NECTIN2: variants seen among roughly 807,000 people sequenced by gnomAD.
The protein encoded by NECTIN2 is nectin cell adhesion molecule 2.
NECTIN2 carries 23 observed loss-of-function variants against 56.9 expected under a neutral mutation model. The observed-to-expected ratio is 0.40, with a 90% CI of 0.29 to 0.57. The LOEUF (loss-of-function observed/expected upper bound fraction) is 0.57. NECTIN2 is among the 20% of genes least tolerant of loss of function. The probability of loss-of-function intolerance (pLI) is 0.38; values close to 1 mark genes in which losing one functional copy is unlikely to be tolerated. For missense variants in NECTIN2, 587 were observed against 718.3 expected (o/e 0.82, Z 2.09); for synonymous variants, 302 against 313.8 (o/e 0.96, Z 0.40).
At chr19:44,869,426 A>T (rs1969144088) in intron 2 of NECTIN2, among the ~76,000 whole-genome samples, 1 of 151,822 alleles carries the variant, frequency 6.6e-6, no homozygotes, top group Non-Finnish European at 1.5e-5. Flanking sequence ...CCCTGTCTCT[A>T]CTAAAAATAC....
intron 2 of NECTIN2, among the ~76,000 whole-genome samples, chr19:44,866,123 G>A (rs530639352): frequency 6.6e-6 from 1 of 152,018 alleles, no homozygotes; most frequent in African/African-American, 2.4e-5. Flanking sequence ...AGTGAGCCGA[G>A]ATTGTGCCAC....
Position 44,882,345 on chromosome 19 carries a change from G to C in NECTIN2, c.1177G>C (p.Gly393Arg). Reference protein sequence around the residue: ...RQQRKEQTLQGAEEDEDLEGP... With the variant: ...RQQRKEQTLQRAEEDEDLEGP... ...GCAGCGGAAGGAGCAGACGCTGCAG[G>C]GGGCAGAGGAGGACGAAGAGTAAGT... is the stretch of plus-strand genomic sequence containing the variant. Residue 393 changes from glycine to arginine, a missense_variant, in exon 6 of 9, where the codon GGG becomes CGG. By Grantham distance (125) the Gly-to-Arg change is moderately radical. Coordinates refer to ENST00000252483, the MANE Select transcript of NECTIN2 (RefSeq NM_001042724.2). 6.8e-7 allele frequency: 1 copy of C among 1,478,546 alleles called. No individual in the cohort carries two copies. Among genetic ancestry groups the C allele is most frequent in the Non-Finnish European group, 9.0e-7 (1 of 1,107,784 alleles). The allele number at this position is 1,478,546 out of a possible 1,614,324, so 91.6% of individuals were successfully genotyped here.
At position 44,874,693 on chromosome 19, in the gene NECTIN2, T is replaced by C. The variant is rs1969217456; in HGVS notation, c.1042+215T>C. ...GTCGGGGTAGGTGAAGGCAGCAGAG[T>C]TGGGGGGTTGAGGACTTTGCTCGGG... On this transcript the variant is annotated intron_variant, in intron 5 of 8. Transcript: ENST00000252483. The surrounding 1 kb of genome is among the most constrained non-coding windows in gnomAD (Gnocchi z 6.3). 4 of 585,896 alleles carry C rather than the reference T, an allele frequency of 6.8e-6. No homozygotes were observed. The highest frequency in any genetic ancestry group is 1.2e-5 in the Non-Finnish European group (4 of 333,260). The allele number at this position is 585,896 out of a possible 1,614,324, so 36.3% of individuals were successfully genotyped here. A position where few individuals can be genotyped will look rare whatever the true frequency, so the allele number is the denominator to read the frequency against.
Position 44,888,511 on chromosome 19 carries a change from C to A in NECTIN2, c.*132C>A. On this transcript the variant is annotated 3_prime_UTR_variant, in exon 9 of 9. Coordinates refer to ENST00000252483, the MANE Select transcript of NECTIN2 (RefSeq NM_001042724.2). ...TATGCATTCCATTTGTGATGTCTAC[C>A]TTGGTGGCTCCACTATGACCCCTAA... 1 of 1,011,830 alleles carries A rather than the reference C, an allele frequency of 9.9e-7. No individual in the cohort carries two copies. Among genetic ancestry groups the A allele is most frequent in the Non-Finnish European group, 1.4e-6 (1 of 695,338 alleles). 62.7% of individuals were successfully genotyped at this position (1,011,830 alleles called of 1,614,324 possible). A position where few individuals can be genotyped will look rare whatever the true frequency, so the allele number is the denominator to read the frequency against.
chr19:44,878,339 G>A, intron 5 of NECTIN2: 1 of 1,537,442 alleles, frequency 6.5e-7, no homozygotes, highest in Non-Finnish European at 8.8e-7. Flanking sequence ...CCTGCTGAGG[G>A]TGAGGAGGAG....
Position 44,871,992 on chromosome 19 carries a change from G to A in NECTIN2, c.618G>A (p.Glu206=). Residue 206 remains glutamate (E), a synonymous_variant, in exon 3 of 9, where the codon GAG becomes GAA. Coordinates refer to ENST00000252483, the MANE Select transcript of NECTIN2 (RefSeq NM_001042724.2). ...WLSSLDWEAK[E]TQVSGTLAGT... is the part of the protein sequence containing the mutation. ...CATCCCTGGACTGGGAAGCCAAAGA[G>A]ACTCAGGTGTCAGGGACCCTGGCCG... 6.2e-7 allele frequency: 1 copy of A among 1,614,158 alleles called. No individual in the cohort carries two copies. The highest frequency in any genetic ancestry group is 1.1e-5 in the South Asian group (1 of 91,072).
At position 44,865,816 on chromosome 19, in the gene NECTIN2, G is replaced by A. The variant is rs544558455; in HGVS notation, c.478+156G>A. On this transcript the variant is annotated intron_variant, in intron 2 of 8. Coordinates refer to ENST00000252483, the MANE Select transcript of NECTIN2 (RefSeq NM_001042724.2). The surrounding 1 kb of genome is among the most constrained non-coding windows in gnomAD (Gnocchi z 5.2). ...AATGTTCATTAAGCACCTACCGCGT[G>A]CCAGATGCTTTTCTGTGTGCTGAGG... Among the ~76,000 whole-genome samples the A allele has an allele frequency of 6.6e-6, 1 of 152,304 alleles. No homozygotes were observed. Among genetic ancestry groups the A allele is most frequent in the Non-Finnish European group, 1.5e-5 (1 of 68,034 alleles).
At chr19:44,854,188 C>G (rs1968936774) in intron 1 of NECTIN2, among the ~76,000 whole-genome samples, 1 of 152,060 alleles carries the variant, frequency 6.6e-6, no homozygotes, top group African/African-American at 2.4e-5. Context: ...TCACTGCAAC[C>G]TCCACCTCCT....
rs149894142 is a variant in NECTIN2, at chr19:44,875,850, G to A, written c.1042+1372G>A. On this transcript the variant is annotated intron_variant, in intron 5 of 8. Coordinates refer to ENST00000252483, the MANE Select transcript of NECTIN2 (RefSeq NM_001042724.2). The surrounding 1 kb of genome is among the most constrained non-coding windows in gnomAD (Gnocchi z 4.2). ...AGCCAGGGAGATAGGACACCCCTAC[G>A]GGAAACACTGTCACAGACAGCAAAC... 8.5e-5 allele frequency among the ~76,000 whole-genome samples: 13 copies of A among 152,308 alleles called. No homozygotes were observed. The East Asian group carries it at 1.3e-3, about 16-fold the overall frequency.
At position 44,886,228 on chromosome 19, in the gene NECTIN2, T is replaced by C. The variant is rs1406475672; in HGVS notation, c.1347+9T>C. On this transcript the variant is annotated intron_variant, in intron 8 of 8. Coordinates refer to ENST00000252483, the MANE Select transcript of NECTIN2 (RefSeq NM_001042724.2). ...CCTCATGCACTGAGCAGGTAGGAGC[T>C]CATGGGAAGACAAAGGTGGGTTGGG... 6.2e-7 allele frequency: 1 copy of C among 1,605,436 alleles called. No homozygotes were observed. Among genetic ancestry groups the C allele is most frequent in the Admixed American group, 1.7e-5 (1 of 59,910 alleles).
At chr19:44,857,407 AT>A (rs551528530) in intron 1 of NECTIN2, among the ~76,000 whole-genome samples, 118 of 142,930 alleles carry the variant, frequency 8.3e-4, no homozygotes, top group Middle Eastern at 3.6e-3. Context: ...TTGCCCAGCT[AT>A]TTTTTTTTTT....
intron 1 of NECTIN2, among the ~76,000 whole-genome samples, chr19:44,854,925 A>AC (rs1264732279): frequency 1.3e-5 from 2 of 151,330 alleles, no homozygotes; most frequent in Admixed American, 6.6e-5. Context: ...GGAGATCGAG[A>AC]CCATCCTGGT....
chr19:44,879,418 G>A (rs41290120), intron 5 of NECTIN2, among the ~76,000 whole-genome samples: 4,017 of 152,122 alleles, frequency 0.026, 92 homozygotes, highest in Non-Finnish European at 0.043. Context: ...TGGGGGTCTC[G>A]GGAGGGGAGG....
At chr19:44,857,984 T>G (rs1057483227) in intron 1 of NECTIN2, among the ~76,000 whole-genome samples, 1 of 152,190 alleles carries the variant, frequency 6.6e-6, no homozygotes, top group African/African-American at 2.4e-5. Flanking sequence ...TATGCACTGT[T>G]TATTGTATCA....
Position 44,874,414 on chromosome 19 carries a change from C to T in NECTIN2, c.978C>T (p.Thr326=), listed in dbSNP as rs755446091. The change falls in exon 5 of 9, where the codon ACC becomes ACT. Residue 326 remains threonine, a synonymous_variant. Transcript: ENST00000252483. This position sits in a 1 kb window ranked among gnomAD's most constrained non-coding sequence, Gnocchi z 6.3. ...IHAVDSLFNT[T]FVCTVTNAVG... is the part of the protein sequence containing the mutation. ...CAGTGGACAGTCTGTTCAATACCAC[C>T]TTCGTCTGCACAGTCACCAATGCCG... is the stretch of plus-strand genomic sequence containing the variant. 5.6e-6 allele frequency: 9 copies of T among 1,614,070 alleles called. No homozygotes were observed. Among genetic ancestry groups the T allele is most frequent in the South Asian group, 4.4e-5 (4 of 91,086 alleles).
Position 44,865,166 on chromosome 19 carries a change from G to T in NECTIN2, c.89-105G>T, listed in dbSNP as rs189630593. On this transcript the variant is annotated intron_variant, in intron 1 of 8. Transcript: ENST00000252483. This position sits in a 1 kb window ranked among gnomAD's most constrained non-coding sequence, Gnocchi z 5.2. ...TGCTGCGAAGCTGCCTACGTTGCAT[G>T]CGGAGCCTGCATTTCCCGTGGGGCC... The T allele has an allele frequency of 3.6e-4, 457 of 1,265,346 alleles. 1 individual carries two copies. In the African/African-American group the frequency reaches 5.9e-3, roughly 16 times the overall value. 78.4% of individuals were successfully genotyped at this position (1,265,346 alleles called of 1,614,324 possible).
chr19:44,873,971 T>C lies in NECTIN2; in HGVS notation c.831T>C (p.Thr277=), dbSNP rs372718129. 2 of 1,614,140 alleles carry C rather than the reference T, an allele frequency of 1.2e-6. No homozygotes were observed. The highest frequency in any genetic ancestry group is 1.3e-5 in the African/African-American group (1 of 75,026). The change falls in exon 4 of 9, where the codon ACT becomes ACC. Residue 277 remains threonine, a synonymous_variant. Coordinates refer to ENST00000252483, the MANE Select transcript of NECTIN2 (RefSeq NM_001042724.2). The part of the protein sequence containing the change: ...GYDDNWYLGR[T]DATLSCDVRS... ...ATGACAACTGGTACCTCGGCCGTAC[T>C]GATGCCACCCTGAGCTGTGACGTCC... is the stretch of plus-strand genomic sequence containing the variant.
At position 44,865,056 on chromosome 19, in the gene NECTIN2, T is replaced by C. The variant is rs1206554048; in HGVS notation, c.89-215T>C. Among the ~76,000 whole-genome samples the C allele has an allele frequency of 6.6e-6, 1 of 152,196 alleles. No individual in the cohort carries two copies. Among genetic ancestry groups the C allele is most frequent in the Non-Finnish European group, 1.5e-5 (1 of 68,034 alleles). On this transcript the variant is annotated intron_variant, in intron 1 of 8. Transcript: ENST00000252483. This position sits in a 1 kb window ranked among gnomAD's most constrained non-coding sequence, Gnocchi z 5.2. ...CAAAATCATATGTAATATGAACTCA[T>C]AGTACACGTTATAGTTGTATAATAG...
intron 1 of NECTIN2, among the ~76,000 whole-genome samples, chr19:44,854,157 G>A (rs541231070): frequency 1.3e-5 from 2 of 152,118 alleles, no homozygotes; most frequent in Non-Finnish European, 2.9e-5. Flanking sequence ...CCAGGCTGGA[G>A]TGCAGTGGCG....
Sources: allele counts gnomAD v4.1 joint callset (sites outside exome capture counted in the v4.1 genomes callset), GRCh38; gene constraint gnomAD v4.1.1; non-coding constraint Gnocchi (gnomAD v3.1); transcripts MANE v1.5; gene names NCBI Gene and HGNC (gene_info 2026-07-23, HGNC 2026-07-21).